RGS10: variants seen among roughly 807,000 people sequenced by gnomAD.
RGS10 encodes regulator of G-protein signalling 10.
In RGS10, 11 loss-of-function variants were observed where a neutral mutation model predicts 23.5. The observed-to-expected ratio is 0.47, with a 90% CI of 0.29 to 0.77. The LOEUF (loss-of-function observed/expected upper bound fraction) is 0.77. Ranked by LOEUF, RGS10 falls within the 30% of genes least tolerant of loss-of-function variation. The pLI is 0.08. For missense variants in RGS10, 180 were observed against 226.3 expected, an observed-to-expected ratio of 0.80 and a Z score of 1.31; for synonymous variants, 77 against 83.2, an observed-to-expected ratio of 0.92 and a Z score of 0.41.
Position 119,527,964 on chromosome 10 carries a change from G to A in RGS10, c.50-540C>T, listed in dbSNP as rs1476452051. Among the ~76,000 whole-genome samples the A allele has an allele frequency of 1.3e-5, 2 of 152,110 alleles. No homozygotes were observed. Among genetic ancestry groups the A allele is most frequent in the African/African-American group, 2.4e-5 (1 of 41,424 alleles). On this transcript the variant is annotated intron_variant, in intron 1 of 4. Coordinates refer to ENST00000369103, the MANE Select transcript of RGS10 (RefSeq NM_001005339.2). The surrounding 1 kb of genome is among the most constrained non-coding windows in gnomAD (Gnocchi z 4.2). Reference sequence around the variant, plus strand: ...TGCAGGACGGGACCCACGTGATGGCGCAAAATGTCAGAGGGTTGCCAGAAT... The same window carrying A: ...TGCAGGACGGGACCCACGTGATGGCACAAAATGTCAGAGGGTTGCCAGAAT...
intron 4 of RGS10, among the ~76,000 whole-genome samples, chr10:119,506,076 G>A (rs905077754): frequency 7.2e-5 from 11 of 152,194 alleles, no homozygotes; most frequent in African/African-American, 2.7e-4. Context: ...GACTACAGAC[G>A]TGCTTTTGTA....
rs1221862142 is a variant in RGS10, at chr10:119,517,248, G to A, written c.256-1596C>T. On this transcript the variant is annotated intron_variant, in intron 3 of 4. Transcript: ENST00000369103. The surrounding 1 kb of genome is among the most constrained non-coding windows in gnomAD (Gnocchi z 5.0). ...TGGCCATGTCCTGTTCTGCGAGAAAGCAAGCCTCACCAGCACTTGCAGGGA... is the reference window on the plus strand; with the variant it reads ...TGGCCATGTCCTGTTCTGCGAGAAAACAAGCCTCACCAGCACTTGCAGGGA... Among the ~76,000 whole-genome samples the A allele has an allele frequency of 6.6e-6, 1 of 152,266 alleles. No homozygotes were observed. The highest frequency in any genetic ancestry group is 1.5e-5 in the Non-Finnish European group (1 of 68,050).
In RGS10 at chr10:119,519,611, G is replaced by T. The variant is rs1277831164; in HGVS notation, c.256-3959C>A. ...TCTCCCTATCTGTCCCCCAGCTCCT[G>T]TCTCCCTGTATCTGTCTCCCAGCTC... On this transcript the variant is annotated intron_variant, in intron 3 of 4. Coordinates refer to ENST00000369103, the MANE Select transcript of RGS10 (RefSeq NM_001005339.2). Among the ~76,000 whole-genome samples the T allele has an allele frequency of 8.5e-5, 8 of 94,142 alleles. 1 individual carries two copies. Among genetic ancestry groups the T allele is most frequent in the African/African-American group, 3.7e-4 (8 of 21,452 alleles). 61.8% of individuals were successfully genotyped at this position (94,142 alleles called of 152,430 possible). A position where few individuals can be genotyped will look rare whatever the true frequency, so the allele number is the denominator to read the frequency against.
chr10:119,517,602 G>T lies in RGS10; in HGVS notation c.256-1950C>A, dbSNP rs1844161628. ...AGGAGAATTTCGGCCAGGCAGATGAGCAAACTCCATGCAGAGGTCTGGGGG... is the reference window on the plus strand; with the variant it reads ...AGGAGAATTTCGGCCAGGCAGATGATCAAACTCCATGCAGAGGTCTGGGGG... On this transcript the variant is annotated intron_variant, in intron 3 of 4. Transcript: ENST00000369103. The surrounding 1 kb of genome is among the most constrained non-coding windows in gnomAD (Gnocchi z 5.0). Among the ~76,000 whole-genome samples, 1 of 152,222 alleles carries T rather than the reference G, an allele frequency of 6.6e-6. No homozygotes were observed. Among genetic ancestry groups the T allele is most frequent in the African/African-American group, 2.4e-5 (1 of 41,446 alleles).
At chr10:119,509,399 G>A (rs1045703596) in intron 4 of RGS10, among the ~76,000 whole-genome samples, 7 of 151,634 alleles carry the variant, frequency 4.6e-5, no homozygotes, top group African/African-American at 1.7e-4. Context: ...GACCAGCCTG[G>A]GCAACATAGT....
At chr10:119,525,673 T>C (rs958305448) in intron 3 of RGS10, among the ~76,000 whole-genome samples, 3 of 152,232 alleles carry the variant, frequency 2.0e-5, no homozygotes, top group African/African-American at 7.2e-5. Flanking sequence ...TGTGCTTTTA[T>C]CATTACACAT....
At chr10:119,539,053 C>T (rs1844413976) in intron 1 of RGS10, among the ~76,000 whole-genome samples, 4 of 152,136 alleles carry the variant, frequency 2.6e-5, no homozygotes, top group Admixed American at 2.6e-4. Context: ...ACCGTGAGCA[C>T]CTCACACCCA....
At chr10:119,516,875 T>G (rs543350803) in intron 3 of RGS10, among the ~76,000 whole-genome samples, 165 of 152,340 alleles carry the variant, frequency 1.1e-3, no homozygotes, top group African/African-American at 3.8e-3. Flanking sequence ...GGAGACTTCC[T>G]GTGCTCATAC....
chr10:119,511,716 C>G (rs1036720730), intron 4 of RGS10, among the ~76,000 whole-genome samples: 5 of 152,120 alleles, frequency 3.3e-5, no homozygotes, highest in African/African-American at 1.2e-4. Context: ...GGTTTGGGGT[C>G]ACCAGGCTCA....
At chr10:119,528,766 G>A (rs1367424907) in intron 1 of RGS10, among the ~76,000 whole-genome samples, 1 of 151,912 alleles carries the variant, frequency 6.6e-6, no homozygotes, top group African/African-American at 2.4e-5. Flanking sequence ...CCCAGGAAGC[G>A]GAGGTTGCAG....
At chr10:119,533,876 T>C (rs1344112658) in intron 1 of RGS10, among the ~76,000 whole-genome samples, 14 of 152,224 alleles carry the variant, frequency 9.2e-5, no homozygotes, top group Admixed American at 9.2e-4. Context: ...TCATTTTAGA[T>C]CTTCAAATTT....
At chr10:119,515,864 C>A (rs1173315122) in intron 3 of RGS10, among the ~76,000 whole-genome samples, 1 of 152,202 alleles carries the variant, frequency 6.6e-6, no homozygotes, top group African/African-American at 2.4e-5. Context: ...CATGCGCCTG[C>A]AGCCACTTCT....
At chr10:119,540,788 C>G (rs1263865221) in intron 1 of RGS10, among the ~76,000 whole-genome samples, 4 of 152,146 alleles carry the variant, frequency 2.6e-5, no homozygotes, top group Admixed American at 2.6e-4. Context: ...CATAGCAGCT[C>G]TATTTATAAC....
chr10:119,515,656 G>C lies in RGS10; in HGVS notation c.256-4C>G. The C allele has an allele frequency of 6.2e-7, 1 of 1,611,814 alleles. No homozygotes were observed. Among genetic ancestry groups the C allele is most frequent in the Non-Finnish European group, 8.5e-7 (1 of 1,179,288 alleles). ...TCTCCTTTGCCTTTTCCTGCATCTG[G>C]AGGAGACAGATGGGGCCTTGTGCTA... is the stretch of plus-strand genomic sequence containing the variant. On this transcript the variant is annotated splice_polypyrimidine_tract_variant and splice_region_variant and intron_variant, in intron 3 of 4. Transcript: ENST00000369103.
In RGS10 at chr10:119,536,202, CAAT is replaced by C. The variant is rs1409184068; in HGVS notation, c.49+6385_49+6387del. ...AACATCAAAAGTGAAAAAAGTTTTT[CAAT>C]AATCATAGTAATAGCCAGCATCCAA... On this transcript the variant is annotated intron_variant, in intron 1 of 4. Transcript: ENST00000369103. Among the ~76,000 whole-genome samples the C allele has an allele frequency of 2.6e-5, 4 of 152,130 alleles. No individual in the cohort carries two copies. The East Asian group carries it at 7.7e-4, about 29-fold the overall frequency.
rs9732641 is a variant in RGS10 at position 119,520,189 on chromosome 10, T to C, written c.256-4537A>G. Among the ~76,000 whole-genome samples, 625 of 152,184 alleles carry C rather than the reference T, an allele frequency of 4.1e-3. 2 individuals are homozygous for C. Among genetic ancestry groups the C allele is most frequent in the African/African-American group, 0.014 (598 of 41,510 alleles). On this transcript the variant is annotated intron_variant, in intron 3 of 4. Transcript: ENST00000369103. ...GACACTAACTTTACTAACATCAATT[T>C]CAGAAAGAGAATGAGGCAAAGAAAA...
chr10:119,534,293 AAATAAATAAAT>A (rs879352328), intron 1 of RGS10, among the ~76,000 whole-genome samples: 86 of 103,120 alleles, frequency 8.3e-4, no homozygotes, highest in Admixed American at 1.6e-3. Flanking sequence ...ATAAATAAAT[AAATAAATAAAT>A]AAAAAAGGCC....
intron 4 of RGS10, among the ~76,000 whole-genome samples, chr10:119,509,304 G>A (rs1405431716): frequency 6.6e-6 from 1 of 151,978 alleles, no homozygotes; most frequent in Non-Finnish European, 1.5e-5. Context: ...TAAAGTGAAA[G>A]AAGGCCGGGC....
rs1844291062 is a variant in RGS10 at position 119,527,598 on chromosome 10, T to G, written c.50-174A>C. ...GACTCATTCTTGTCACACAACCCTG[T>G]AAGGCAGGCACTACTATTTCCTCCA... On this transcript the variant is annotated intron_variant, in intron 1 of 4. Transcript: ENST00000369103. This position sits in a 1 kb window ranked among gnomAD's most constrained non-coding sequence, Gnocchi z 4.2. 3 of 601,606 alleles carry G rather than the reference T, an allele frequency of 5.0e-6. No homozygotes were observed. The highest frequency in any genetic ancestry group is 4.0e-5 in the South Asian group (2 of 49,826). 37.3% of individuals were successfully genotyped at this position (601,606 alleles called of 1,614,324 possible). A position where few individuals can be genotyped will look rare whatever the true frequency, so the allele number is the denominator to read the frequency against.
Sources: allele counts gnomAD v4.1 joint callset (sites outside exome capture counted in the v4.1 genomes callset), GRCh38; gene constraint gnomAD v4.1.1; non-coding constraint Gnocchi (gnomAD v3.1); transcripts MANE v1.5; gene names NCBI Gene and HGNC (gene_info 2026-07-23, HGNC 2026-07-21).